FAT1: variants seen among roughly 807,000 people sequenced by gnomAD.
The protein encoded by FAT1 is FAT atypical cadherin 1, also known as protocadherin Fat 1.
FAT1 carries 171 observed loss-of-function variants against 329.8 expected under a neutral mutation model. The ratio of observed to expected loss-of-function variants is 0.52; its 90% confidence interval spans 0.46 to 0.59. The LOEUF is 0.59. Ranked by LOEUF, FAT1 falls within the 20% of genes least tolerant of loss-of-function variation. FAT1 has a pLI of 0.00. For missense variants in FAT1, 5,672 were observed against 5,774.4 expected (o/e 0.98, Z 0.57); for synonymous variants, 2,233 against 2,228.6 (o/e 1.00, Z -0.06).
At position 186,708,564 on chromosome 4, in the gene FAT1, T is replaced by C. The variant is rs370104838; in HGVS notation, c.1264A>G (p.Ile422Val). ...TGCTGTCTTTTAACTGGTTCTAAAA[T>C]AGAAATGAGACCAGTGTTGTAATTT... ...SLNYNTGLISILEPVKRQQAA... is the reference protein window; with the variant it reads ...SLNYNTGLISVLEPVKRQQAA... The change falls in exon 2 of 27, where the codon ATT becomes GTT. Residue 422 changes from isoleucine (I) to valine (V), a missense_variant. Coordinates refer to ENST00000441802, the MANE Select transcript of FAT1 (RefSeq NM_005245.4). 18 of 1,613,866 alleles carry C rather than the reference T, an allele frequency of 1.1e-5. No homozygotes were observed. The African/African-American group carries it at 2.0e-4, about 18-fold the overall frequency.
rs1307077094 is a variant in FAT1 at position 186,645,966 on chromosome 4, T to TACACACAC, written c.3581-6184_3581-6183insGTGTGTGT. Among the ~76,000 whole-genome samples, 90 of 80,520 alleles carry TACACACAC rather than the reference T, an allele frequency of 1.1e-3. 4 individuals carry two copies. The highest frequency in any genetic ancestry group is 3.8e-3 in the South Asian group (9 of 2,364). The allele number at this position is 80,520 out of a possible 152,430, so 52.8% of individuals were successfully genotyped here. ...CTCACAAAAAAAAAAAAAAAAAATA[T>TACACACAC]ATACACACACACACACACACACACA... On this transcript the variant is annotated intron_variant, in intron 3 of 26. Transcript: ENST00000441802.
At chr4:186,662,936 A>G (rs933720496) in intron 3 of FAT1, among the ~76,000 whole-genome samples, 12 of 151,810 alleles carry the variant, frequency 7.9e-5, no homozygotes, top group Admixed American at 7.9e-4. Context: ...CCCCGGGTTC[A>G]CGCCATTCTC....
At chr4:186,666,133 T>A (rs986227755) in intron 2 of FAT1, among the ~76,000 whole-genome samples, 1 of 151,242 alleles carries the variant, frequency 6.6e-6, no homozygotes, top group Non-Finnish European at 1.5e-5. Flanking sequence ...CATGTATACA[T>A]ATGTAACAAA....
rs1404332619 is a variant in FAT1 at position 186,723,557 on chromosome 4, A to G, written c.-19+107T>C. ...AGTCGCGCGCTCATCCGTTTTCGGC[A>G]GCGCCGGAGCCCGAGCCGGGGACCG... On this transcript the variant is annotated intron_variant, in intron 1 of 26. Coordinates refer to ENST00000441802, the MANE Select transcript of FAT1 (RefSeq NM_005245.4). The G allele has an allele frequency of 2.6e-5, 4 of 152,350 alleles. No homozygotes were observed. In the East Asian group the frequency reaches 7.8e-4, roughly 30 times the overall value. 9.4% of individuals were successfully genotyped at this position (152,350 alleles called of 1,614,324 possible). A position where few individuals can be genotyped will look rare whatever the true frequency, so the allele number is the denominator to read the frequency against.
intron 2 of FAT1, among the ~76,000 whole-genome samples, chr4:186,668,915 T>C (rs1742596630): frequency 6.6e-6 from 1 of 152,152 alleles, no homozygotes; most frequent in African/African-American, 2.4e-5. Context: ...CCTGTCTATT[T>C]CTCTTTATCC....
chr4:186,725,082 T>A (rs1745673858), upstream of FAT1, among the ~76,000 whole-genome samples: 1 of 152,148 alleles, frequency 6.6e-6, no homozygotes, highest in Non-Finnish European at 1.5e-5. The surrounding 1 kb of genome is among the most constrained non-coding windows in gnomAD (Gnocchi z 5.4). Flanking sequence ...CTATATTCCC[T>A]GCCCACCAGT....
At chr4:186,642,387 G>A (rs1741142046) in intron 3 of FAT1, among the ~76,000 whole-genome samples, 1 of 152,200 alleles carries the variant, frequency 6.6e-6, no homozygotes, top group Non-Finnish European at 1.5e-5. Context: ...CGAGGACAGT[G>A]GCTGTCTTTC....
rs776597631 is a variant in FAT1 at position 186,706,693 on chromosome 4, T to A, written c.3135A>T (p.Glu1045Asp). The change falls in exon 2 of 27, where the codon GAA (glutamate) becomes GAT (aspartate). Residue 1045 changes from glutamate to aspartate, a missense_variant. This residue lies in a region of FAT1 where 3,966 missense variants were observed against 3,915.2 expected (regional missense o/e 1.01). Transcript: ENST00000441802. ...SSFVEKGTVKEDAPVGSLVMT... is the reference protein window; with the variant it reads ...SSFVEKGTVKDDAPVGSLVMT... Reference sequence around the variant, plus strand: ...TTACCAATGAACCAACAGGTGCATCTTCTTTCACTGTCCCCTTTTCCACAA... The same window carrying A: ...TTACCAATGAACCAACAGGTGCATCATCTTTCACTGTCCCCTTTTCCACAA... 1.2e-6 allele frequency: 2 copies of A among 1,613,986 alleles called. No homozygotes were observed. The highest frequency in any genetic ancestry group is 1.1e-5 in the South Asian group (1 of 91,074).
Position 186,619,904 on chromosome 4 carries a change from T to C in FAT1, c.6682A>G (p.Thr2228Ala). The change falls in exon 10 of 27, where the codon ACT (threonine) becomes GCT (alanine). Residue 2228 changes from threonine to alanine, a missense_variant. By Grantham distance (58) the Thr-to-Ala change is moderately conservative. Coordinates refer to ENST00000441802, the MANE Select transcript of FAT1 (RefSeq NM_005245.4). ...ATAACTCCAGTATTGAAGTTAATAGTGAACTGGCTGAAAGGGTCTCCGTCT... is the reference window on the plus strand; with the variant it reads ...ATAACTCCAGTATTGAAGTTAATAGCGAACTGGCTGAAAGGGTCTCCGTCT... ...ITDGDPFSQFTINFNTGVINV... is the reference protein window; with the variant it reads ...ITDGDPFSQFAINFNTGVINV... 4 of 1,614,016 alleles carry C rather than the reference T, an allele frequency of 2.5e-6. No individual in the cohort carries two copies. The highest frequency in any genetic ancestry group is 3.4e-6 in the Non-Finnish European group (4 of 1,179,892).
intron 2 of FAT1, among the ~76,000 whole-genome samples, chr4:186,675,216 C>A (rs1742896196): frequency 6.6e-6 from 1 of 151,828 alleles, no homozygotes; most frequent in African/African-American, 2.4e-5. Flanking sequence ...ATGTAGAGCT[C>A]TGAAGTGTAA....
intron 7 of FAT1, among the ~76,000 whole-genome samples, chr4:186,631,401 C>T (rs948246320): frequency 2.0e-5 from 3 of 151,136 alleles, no homozygotes; most frequent in Admixed American, 2.0e-4. Flanking sequence ...CAGCTGACTG[C>T]TCTGCTCTTC....
chr4:186,618,771 G>A lies in FAT1; in HGVS notation c.7815C>T (p.Ile2605=), dbSNP rs750802295. Residue 2605 remains isoleucine, a synonymous_variant, in exon 10 of 27, where the codon ATC becomes ATT. Coordinates refer to ENST00000441802, the MANE Select transcript of FAT1 (RefSeq NM_005245.4). ...QFRATKYEVN[I]GSSAAKGTSV... ...AAGTCCCTTTAGCAGCACTGGACCC[G>A]ATATTCACTTCGTATTTGGTTGCTC... 2.9e-5 allele frequency: 46 copies of A among 1,613,852 alleles called. No individual in the cohort carries two copies. Among genetic ancestry groups the A allele is most frequent in the East Asian group, 2.5e-4 (11 of 44,892 alleles).
At chr4:186,724,248 G>A (rs1745628961), upstream of FAT1, among the ~76,000 whole-genome samples, 1 of 148,104 alleles carries the variant, frequency 6.8e-6, no homozygotes, top group Admixed American at 6.7e-5. The surrounding 1 kb of genome is among the most constrained non-coding windows in gnomAD (Gnocchi z 5.3). Flanking sequence ...CATCCCTTTA[G>A]CTTTTCCATA....
intron 2 of FAT1, among the ~76,000 whole-genome samples, chr4:186,696,086 C>T (rs1422048412): frequency 6.6e-5 from 10 of 152,330 alleles, no homozygotes; most frequent in Admixed American, 4.6e-4. Context: ...CCACAGCGCC[C>T]GGCCATAGGC....
chr4:186,619,417 A>C lies in FAT1; in HGVS notation c.7169T>G (p.Phe2390Cys). The C allele has an allele frequency of 6.2e-7, 1 of 1,613,990 alleles. No homozygotes were observed. The highest frequency in any genetic ancestry group is 1.1e-5 in the South Asian group (1 of 91,064). ...VTDLNDNPPL[F>C]EQQIYEARIS... Reference sequence around the variant, plus strand: ...TCTGGCTTCATAAATCTGTTGTTCAAAGAGTGGTGGATTATCATTGAGGTC... The same window carrying C: ...TCTGGCTTCATAAATCTGTTGTTCACAGAGTGGTGGATTATCATTGAGGTC... The change falls in exon 10 of 27, where the codon TTT becomes TGT. Residue 2390 changes from phenylalanine (F) to cysteine (C), a missense_variant. Phe to Cys is a radical substitution (Grantham distance 205). Transcript: ENST00000441802.
intron 3 of FAT1, among the ~76,000 whole-genome samples, chr4:186,647,084 T>C (rs1224310023): frequency 6.6e-6 from 1 of 152,258 alleles, no homozygotes; most frequent in Non-Finnish European, 1.5e-5. Context: ...CTGCTCAGAA[T>C]GCTGTTCCCA....
intron 26 of FAT1, among the ~76,000 whole-genome samples, chr4:186,593,537 A>G (rs909635976): frequency 6.6e-6 from 1 of 152,190 alleles, no homozygotes; most frequent in African/African-American, 2.4e-5. Context: ...ATTTCCCTGG[A>G]TTACCTGGGT....
chr4:186,602,812 A>G (rs1361132684), intron 20 of FAT1, 91 bp downstream of exon 20: 2 of 1,351,310 alleles, frequency 1.5e-6, no homozygotes, highest in East Asian at 2.3e-5. Context: ...ATACTTTGCA[A>G]TATTTTTAGA....
In FAT1 at chr4:186,600,217, G is replaced by T. The variant is rs1163917520; in HGVS notation, c.11784C>A (p.Asp3928Glu). The stretch of plus-strand genomic sequence containing the variant: ...CTGTGCCCGATGCAGTATGAACTTG[G>T]TCTAGAACCAAGCGAGCATAGTTTC... ...VNGNYARLVLDQVHTASGTAP... is the reference protein window; with the variant it reads ...VNGNYARLVLEQVHTASGTAP... Residue 3928 changes from aspartate to glutamate, a missense_variant, in exon 22 of 27, where the codon GAC becomes GAA. This residue lies in a region of FAT1 where 1,706 missense variants were observed against 1,859.1 expected (regional missense o/e 0.92). Transcript: ENST00000441802. 6.2e-7 allele frequency: 1 copy of T among 1,613,958 alleles called. No individual in the cohort carries two copies. The highest frequency in any genetic ancestry group is 8.5e-7 in the Non-Finnish European group (1 of 1,179,908).
Sources: gnomAD v4.1 joint callset for allele counts (sites outside exome capture counted in the v4.1 genomes callset) on GRCh38, gnomAD v4.1.1 for gene constraint, gnomAD v4.1.1 regional missense constraint, Gnocchi (gnomAD v3.1) non-coding constraint, MANE v1.5 for transcripts, NCBI Gene and HGNC (gene_info 2026-07-23, HGNC 2026-07-21) for gene names.